Variants in TPP2 observed in about 807,000 individuals in gnomAD.
TPP2 encodes the protein tripeptidyl-peptidase 2.
In TPP2, 34 loss-of-function variants were observed where a neutral mutation model predicts 155.9. The ratio of observed to expected loss-of-function variants is 0.22; its 90% CI spans 0.17 to 0.29. The LOEUF (loss-of-function observed/expected upper bound fraction) is 0.29, where lower values mean the gene tolerates loss of function less well. Ranked by LOEUF, TPP2 falls within the 10% of genes least tolerant of loss-of-function variation. TPP2 has a pLI of 1.00. For synonymous variants in TPP2, 510 were observed against 529.4 expected (o/e 0.96, Z 0.50); for missense variants, 1,028 against 1,522.3 (o/e 0.68, Z 5.40).
chr13:102,664,900 A>G lies in TPP2; in HGVS notation c.3346A>G (p.Arg1116Gly). 6.2e-7 allele frequency: 1 copy of G among 1,613,292 alleles called. No individual in the cohort carries two copies. The highest frequency in any genetic ancestry group is 8.5e-7 in the Non-Finnish European group (1 of 1,179,740). The change falls in exon 27 of 30, where the codon AGG (arginine) becomes GGG (glycine). Residue 1116 changes from arginine (R) to glycine (G), a missense_variant. Coordinates refer to ENST00000376052, the MANE Select transcript of TPP2 (RefSeq NM_001330588.2). ...AVYIAMKTDP[R>G]PDAATIKNDM... is the part of the protein sequence containing the mutation. The stretch of plus-strand genomic sequence containing the variant: ...TTATATTGCAATGAAGACTGATCCC[A>G]GGCCTGATGCAGCTACTATAAAAAA...
chr13:102,675,367 A>AG, intron 28 of TPP2, among the ~76,000 whole-genome samples: 1 of 152,338 alleles, frequency 6.6e-6, no homozygotes, highest in South Asian at 2.1e-4. Context: ...AGAGCCCTTG[A>AG]GTTTGGCTCC....
chr13:102,617,984 T>A (rs1484523406), intron 4 of TPP2, among the ~76,000 whole-genome samples: 1 of 152,206 alleles, frequency 6.6e-6, no homozygotes, highest in African/African-American at 2.4e-5. Context: ...TCGTCTCAAT[T>A]TCAGTATTTA....
rs559993008 is a variant in TPP2 at position 102,628,341 on chromosome 13, T to C, written c.1016+417T>C. ...AGATCTGACAATCTGTCTATCATTATAATTACTAGTTCCACAAGCACTCTG... is the reference window on the plus strand; with the variant it reads ...AGATCTGACAATCTGTCTATCATTACAATTACTAGTTCCACAAGCACTCTG... On this transcript the variant is annotated intron_variant, in intron 8 of 29. Coordinates refer to ENST00000376052, the MANE Select transcript of TPP2 (RefSeq NM_001330588.2). Among the ~76,000 whole-genome samples the C allele has an allele frequency of 2.0e-5, 3 of 152,330 alleles. No homozygotes were observed. In the South Asian group the frequency reaches 6.2e-4, roughly 32 times the overall value.
At position 102,646,298 on chromosome 13, in the gene TPP2, G is replaced by A. The variant is rs754575189; in HGVS notation, c.2398G>A (p.Val800Met). ...LKNWVQTLRP[V>M]SAKTKPLGSR... Reference sequence around the variant, plus strand: ...TATGTAGTTTCCTCATTACAGCCCAGTGAGTGCAAAAACAAAACCTTTAGG... The same window carrying A: ...TATGTAGTTTCCTCATTACAGCCCAATGAGTGCAAAAACAAAACCTTTAGG... Residue 800 changes from valine (V) to methionine (M), a missense_variant, in exon 20 of 30, where the codon GTG becomes ATG. Val to Met is a conservative substitution (Grantham distance 21). Transcript: ENST00000376052. The A allele has an allele frequency of 1.2e-6, 2 of 1,611,654 alleles. No homozygotes were observed. Among genetic ancestry groups the A allele is most frequent in the Non-Finnish European group, 1.7e-6 (2 of 1,179,046 alleles).
At chr13:102,651,219 C>T in intron 23 of TPP2, 140 bp from the exon 24 acceptor site, 1 of 749,866 alleles carries the variant, frequency 1.3e-6, no homozygotes, top group Non-Finnish European at 2.0e-6. Context: ...TAAAAGCATG[C>T]CATCTTAATC....
At chr13:102,650,717 T>C (rs1883429033) in intron 23 of TPP2, among the ~76,000 whole-genome samples, 1 of 152,170 alleles carries the variant, frequency 6.6e-6, no homozygotes, top group Non-Finnish European at 1.5e-5. Context: ...TTAGTAAAAG[T>C]GGGCTTTTAG....
chr13:102,627,523 G>A (rs1881713417), intron 7 of TPP2, among the ~76,000 whole-genome samples: 1 of 151,864 alleles, frequency 6.6e-6, no homozygotes, highest in Non-Finnish European at 1.5e-5. Flanking sequence ...TTTAACGTAG[G>A]AAAGTATATT....
chr13:102,664,701 G>T (rs1043122917), intron 26 of TPP2, 94 bp from the exon 27 acceptor site: 2 of 1,285,778 alleles, frequency 1.6e-6, no homozygotes, highest in African/African-American at 3.0e-5. Context: ...TCACACTGCA[G>T]TTGTAGGTCT....
At position 102,657,125 on chromosome 13, in the gene TPP2, G is replaced by A; in HGVS notation, c.3061G>A (p.Glu1021Lys). 1 of 1,585,614 alleles carries A rather than the reference G, an allele frequency of 6.3e-7. No individual in the cohort carries two copies. The highest frequency in any genetic ancestry group is 8.5e-7 in the Non-Finnish European group (1 of 1,170,182). Residue 1021 changes from glutamate to lysine, a missense_variant, in exon 25 of 30, where the codon GAA (glutamate) becomes AAA (lysine). Physicochemically the swap from Glu to Lys is moderately conservative, Grantham distance 56. Around this residue, in one of 7 missense-constraint regions of TPP2, gnomAD observed 179 missense variants for 274.7 expected, o/e 0.65. Coordinates refer to ENST00000376052, the MANE Select transcript of TPP2 (RefSeq NM_001330588.2). ...TKTKNGSKDKEKDSEKEKDLK... is the reference protein window; with the variant it reads ...TKTKNGSKDKKKDSEKEKDLK... ...GACTAAGAATGGCAGCAAAGATAAGGAAAAAGATTCAGAAAAAGAGAAAGA... is the reference window on the plus strand; with the variant it reads ...GACTAAGAATGGCAGCAAAGATAAGAAAAAAGATTCAGAAAAAGAGAAAGA...
chr13:102,638,161 T>C, intron 14 of TPP2, 78 bp from the exon 15 acceptor site: 1 of 1,312,588 alleles, frequency 7.6e-7, no homozygotes, highest in Non-Finnish European at 1.1e-6. Context: ...TGATTTATTC[T>C]GTCAGTAGTT....
chr13:102,660,628 G>A (rs1361192119), intron 25 of TPP2, among the ~76,000 whole-genome samples: 1 of 152,198 alleles, frequency 6.6e-6, no homozygotes, highest in African/African-American at 2.4e-5. Flanking sequence ...TTAACAAGCT[G>A]ATTCTAAAAG....
intron 27 of TPP2, among the ~76,000 whole-genome samples, chr13:102,672,323 G>A (rs644005): frequency 0.66 from 100,978 of 152,042 alleles, 33,734 homozygotes; most frequent in Middle Eastern, 0.7. Context: ...GACCCCCCAA[G>A]TAGAAAGCAG....
Position 102,616,441 on chromosome 13 carries a change from C to T in TPP2, c.436C>T (p.Leu146Phe), listed in dbSNP as rs867812931. 6.2e-7 allele frequency: 1 copy of T among 1,613,188 alleles called. No individual in the cohort carries two copies. The highest frequency in any genetic ancestry group is 2.2e-5 in the East Asian group (1 of 44,852). The part of the protein sequence containing the change: ...KIWDPVHRVA[L>F]AEACRKQEEF... ...CTGGGACCCTGTTCACAGAGTGGCC[C>T]TTGCAGAAGCCTGTAGAAAACAGGA... The change falls in exon 4 of 30, where the codon CTT (leucine) becomes TTT (phenylalanine). Residue 146 changes from leucine (L) to phenylalanine (F), a missense_variant. Physicochemically the swap from Leu to Phe is conservative, Grantham distance 22 (BLOSUM62 0). Around this residue, in one of 7 missense-constraint regions of TPP2, gnomAD observed 300 missense variants for 398.3 expected, o/e 0.75. Coordinates refer to ENST00000376052, the MANE Select transcript of TPP2 (RefSeq NM_001330588.2).
intron 2 of TPP2, among the ~76,000 whole-genome samples, chr13:102,611,286 A>G (rs1182931954): frequency 6.6e-6 from 1 of 152,214 alleles, no homozygotes; most frequent in Non-Finnish European, 1.5e-5. Context: ...AATCATGGAG[A>G]TATGTCACTA....
intron 2 of TPP2, among the ~76,000 whole-genome samples, chr13:102,612,734 G>A (rs762680784): frequency 9.2e-5 from 14 of 152,288 alleles, no homozygotes; most frequent in Admixed American, 1.3e-4. Context: ...TCCATGGACC[G>A]TGCAGACTTT....
At chr13:102,669,664 T>C (rs1884839446) in intron 27 of TPP2, among the ~76,000 whole-genome samples, 1 of 152,146 alleles carries the variant, frequency 6.6e-6, no homozygotes, top group Non-Finnish European at 1.5e-5. Flanking sequence ...AATTTGGGCA[T>C]TGCAGGATAA....
At chr13:102,672,918 A>G (rs1441876590) in intron 27 of TPP2, among the ~76,000 whole-genome samples, 2 of 152,238 alleles carry the variant, frequency 1.3e-5, no homozygotes, top group Non-Finnish European at 2.9e-5. Flanking sequence ...CACTGTGCTG[A>G]GAAGCACTGA....
Position 102,646,181 on chromosome 13 carries a change from G to A in TPP2, c.2394-113G>A, listed in dbSNP as rs1883087239. On this transcript the variant is annotated intron_variant, in intron 19 of 29. Transcript: ENST00000376052. Reference sequence around the variant, plus strand: ...GTATACTGAAAAGGATAGCTCTCAGGAAGGTTCATCTGCACTTTTTGCAAT... The same window carrying A: ...GTATACTGAAAAGGATAGCTCTCAGAAAGGTTCATCTGCACTTTTTGCAAT... 1.5e-5 allele frequency: 10 copies of A among 667,430 alleles called. No homozygotes were observed. In the South Asian group the frequency reaches 2.1e-4, roughly 14 times the overall value. 41.3% of individuals were successfully genotyped at this position (667,430 alleles called of 1,614,324 possible).
intron 1 of TPP2, 98 bp from the exon 2 acceptor site, chr13:102,604,695 G>C (rs1879685639): frequency 1.5e-6 from 2 of 1,340,052 alleles, no homozygotes; most frequent in Non-Finnish European, 2.0e-6. Flanking sequence ...AGTGAATGTA[G>C]ATTTTGTATA....
Sources: allele counts gnomAD v4.1 joint callset (sites outside exome capture counted in the v4.1 genomes callset), GRCh38; gene constraint gnomAD v4.1.1; regional missense constraint gnomAD v4.1.1; transcripts MANE v1.5; gene names NCBI Gene and HGNC (gene_info 2026-07-23, HGNC 2026-07-21).